ARVCF: variants seen among roughly 807,000 people sequenced by gnomAD.
ARVCF encodes splicing regulator ARVCF.
Under a neutral mutation model 90.9 loss-of-function variants are expected in ARVCF, and 66 were observed. The observed-to-expected ratio is 0.73, with a 90% CI of 0.60 to 0.89. The LOEUF is 0.89. Among genes scored for constraint, ARVCF ranks in the 40% least tolerant of loss-of-function variants. The probability of loss-of-function intolerance (pLI) is 0.00; values close to 1 mark genes in which losing one functional copy is unlikely to be tolerated. For missense variants in ARVCF, 1,469 were observed against 1,382.3 expected (o/e 1.06, Z -1.00); for synonymous variants, 653 against 603.4 (o/e 1.08, Z -1.21).
At position 19,979,999 on chromosome 22, in the gene ARVCF, G is replaced by A. The variant is rs751876735; in HGVS notation, c.1140C>T (p.Ala380=). ...PVDPVKANAA[A]YLQHLCFENE... ...TCTCAAAGCACAGATGCTGCAGGTA[G>A]GCGGCCGCATTGGCCTTCACGGGGT... The change falls in exon 6 of 20, where the codon GCC becomes GCT. Residue 380 remains alanine (A), a synonymous_variant. Coordinates refer to ENST00000263207, the MANE Select transcript of ARVCF (RefSeq NM_001670.3). 69 of 1,595,324 alleles carry A rather than the reference G, an allele frequency of 4.3e-5. 1 individual carries two copies. In the East Asian group the frequency reaches 1.5e-3, roughly 36 times the overall value.
intron 2 of ARVCF, among the ~76,000 whole-genome samples, chr22:20,002,459 A>C (rs1293779732): frequency 6.6e-6 from 1 of 152,216 alleles, no homozygotes; most frequent in Non-Finnish European, 1.5e-5. Flanking sequence ...AAAAGAGCTG[A>C]CAGCTTTGTT....
rs150464268 is a variant in ARVCF, at chr22:19,971,738, C to T, written c.2781+148G>A. ...TTGTCAGTACCCACAGACTGACTGGCGTGAAGGGGCTGCTTCCTGGGCTTG... is the reference window on the plus strand; with the variant it reads ...TTGTCAGTACCCACAGACTGACTGGTGTGAAGGGGCTGCTTCCTGGGCTTG... On this transcript the variant is annotated intron_variant, in intron 18 of 19. Coordinates refer to ENST00000263207, the MANE Select transcript of ARVCF (RefSeq NM_001670.3). 1.6e-3 allele frequency: 1,240 copies of T among 789,300 alleles called. 13 individuals are homozygous for T. The African/African-American group carries it at 0.018, about 11-fold the overall frequency. The allele number at this position is 789,300 out of a possible 1,614,324, so 48.9% of individuals were successfully genotyped here. A position where few individuals can be genotyped will look rare whatever the true frequency, so the allele number is the denominator to read the frequency against.
chr22:19,969,758 A>G, downstream of ARVCF: 1 of 895,728 alleles, frequency 1.1e-6, no homozygotes, highest in Non-Finnish European at 1.3e-6. Context: ...CAGGGACCAG[A>G]AACAGAGCCT....
chr22:20,012,071 TC>T (rs1944852669), intron 1 of ARVCF, among the ~76,000 whole-genome samples: 1 of 115,820 alleles, frequency 8.6e-6, no homozygotes, highest in Non-Finnish European at 1.8e-5. Flanking sequence ...CCTCCAGGCC[TC>T]CCAAAGTCCC....
At chr22:20,006,580 A>G (rs1944635924) in intron 2 of ARVCF, among the ~76,000 whole-genome samples, 1 of 16,284 alleles carries the variant, frequency 6.1e-5, no homozygotes, top group Non-Finnish European at 3.2e-4. Flanking sequence ...CTCTGTCTCA[A>G]AAAAAAAAAA....
chr22:19,965,827 TGGGA>T (rs934665991), downstream of ARVCF, among the ~76,000 whole-genome samples: 6 of 57,104 alleles, frequency 1.1e-4, no homozygotes, highest in African/African-American at 4.1e-4. Context: ...ATTGGGAGGG[TGGGA>T]GGGAGACCTA....
At chr22:19,984,222 AG>A (rs1470277024) in intron 3 of ARVCF, among the ~76,000 whole-genome samples, 1 of 152,158 alleles carries the variant, frequency 6.6e-6, no homozygotes, top group East Asian at 1.9e-4. Flanking sequence ...TTCCCTAGCT[AG>A]GCAGTGGGGG....
intron 9 of ARVCF, among the ~76,000 whole-genome samples, 195 bp downstream of exon 9, chr22:19,977,220 G>A (rs962527790): frequency 6.6e-6 from 1 of 152,166 alleles, no homozygotes; most frequent in African/African-American, 2.4e-5. Context: ...GATGGGGAAG[G>A]TTGGACCTGG....
intron 1 of ARVCF, among the ~76,000 whole-genome samples, chr22:20,016,096 C>G (rs1025853265): frequency 3.3e-5 from 5 of 152,178 alleles, no homozygotes; most frequent in Non-Finnish European, 7.4e-5. Context: ...GCGGCAGGAG[C>G]AGCGCGGCGC....
rs1299818119 is a variant in ARVCF, at chr22:19,973,682, G to C, written c.2200C>G (p.Arg734Gly). 1.9e-6 allele frequency: 3 copies of C among 1,610,494 alleles called. No individual in the cohort carries two copies. Among genetic ancestry groups the C allele is most frequent in the Middle Eastern group, 1.7e-4 (1 of 6,058 alleles). ...KVVRAVAIALRNLSLDRRNKD... is the reference protein window; with the variant it reads ...KVVRAVAIALGNLSLDRRNKD... ...TTGCGCCGGTCCAGCGAGAGGTTGC[G>C]CAGAGCGATGGCGACGGCGCGCACC... Residue 734 changes from arginine (R) to glycine (G), a missense_variant, in exon 13 of 20, where the codon CGC becomes GGC. Physicochemically the swap from Arg to Gly is moderately radical, Grantham distance 125. Coordinates refer to ENST00000263207, the MANE Select transcript of ARVCF (RefSeq NM_001670.3).
rs778548590 is a variant in ARVCF, at chr22:19,978,863, G to A, written c.1580+34C>T. 4 of 1,588,322 alleles carry A rather than the reference G, an allele frequency of 2.5e-6. No homozygotes were observed. The South Asian group carries it at 4.5e-5, about 18-fold the overall frequency. ...GGACCACGAGGACGGGGCCTGGTGT[G>A]CATGTGGGCTTTAGCACCAGGTCTG... On this transcript the variant is annotated intron_variant, in intron 7 of 19. Transcript: ENST00000263207.
At chr22:20,005,399 G>A (rs1944585752) in intron 2 of ARVCF, among the ~76,000 whole-genome samples, 1 of 151,218 alleles carries the variant, frequency 6.6e-6, no homozygotes, top group Non-Finnish European at 1.5e-5. Flanking sequence ...TTTTGGCAGA[G>A]ATACAGACAA....
At position 19,972,826 on chromosome 22, in the gene ARVCF, G is replaced by A. The variant is rs1444024731; in HGVS notation, c.2552C>T (p.Ser851Leu). 6.2e-7 allele frequency: 1 copy of A among 1,613,506 alleles called. No individual in the cohort carries two copies. Among genetic ancestry groups the A allele is most frequent in the East Asian group, 2.2e-5 (1 of 44,892 alleles). Residue 851 changes from serine to leucine, a missense_variant and splice_region_variant, in exon 16 of 20, where the codon TCA (serine) becomes TTA (leucine). Ser to Leu is a moderately radical substitution (Grantham distance 145, BLOSUM62 -2). Transcript: ENST00000263207. ...KDGWTKARFQ[S>L]AAATAKGPKG... ...AGGCCCCTTGGCAGTAGCAGCAGCT[G>A]ACTGAGACATAAAACACAGACACAG...
At chr22:20,013,436 C>T (rs553686028) in intron 1 of ARVCF, among the ~76,000 whole-genome samples, 48 of 152,240 alleles carry the variant, frequency 3.2e-4, no homozygotes, top group African/African-American at 1.0e-3. Context: ...TTGGGGGTAC[C>T]GAGGGGCCTT....
chr22:20,008,978 G>T (rs1195357689), intron 2 of ARVCF, among the ~76,000 whole-genome samples: 2 of 152,144 alleles, frequency 1.3e-5, no homozygotes, highest in Non-Finnish European at 2.9e-5. Flanking sequence ...GAGGGAGAGT[G>T]AGCAAGTGTG....
intron 3 of ARVCF, among the ~76,000 whole-genome samples, chr22:19,988,507 T>G (rs1471410268): frequency 6.6e-6 from 1 of 152,252 alleles, no homozygotes; most frequent in African/African-American, 2.4e-5. Flanking sequence ...TCAGCCCTGT[T>G]TCAGCTGGCT....
chr22:19,973,395 G>A lies in ARVCF; in HGVS notation c.2240-78C>T, dbSNP rs551628184. ...AGGAGCAGGGATCCCGCGAGGGCGA[G>A]GGGCACTGCCAGGAGAGCCCCTGGA... On this transcript the variant is annotated intron_variant, in intron 13 of 19. Coordinates refer to ENST00000263207, the MANE Select transcript of ARVCF (RefSeq NM_001670.3). 8.4e-4 allele frequency: 1,250 copies of A among 1,481,940 alleles called. 3 individuals are homozygous for A. The highest frequency in any genetic ancestry group is 1.1e-3 in the Non-Finnish European group (1,189 of 1,111,202). 91.8% of individuals were successfully genotyped at this position (1,481,940 alleles called of 1,614,324 possible).
At position 19,977,997 on chromosome 22, in the gene ARVCF, G is replaced by C; in HGVS notation, c.1659C>G (p.Ala553=). 6.2e-7 allele frequency: 1 copy of C among 1,611,752 alleles called. No homozygotes were observed. The change falls in exon 8 of 20, where the codon GCC becomes GCG. Residue 553 remains alanine, a synonymous_variant. Transcript: ENST00000263207. ...CEGLVDALLH[A]LQSAVGRKDT... ...CCTTCCGGCCCACAGCCGACTGCAG[G>C]GCATGCAGGAGCGCGTCCACCAGCC...
intron 2 of ARVCF, among the ~76,000 whole-genome samples, chr22:19,997,708 C>A (rs1464527968): frequency 6.6e-6 from 1 of 152,192 alleles, no homozygotes; most frequent in Non-Finnish European, 1.5e-5. Context: ...GAGAGGGCTG[C>A]AGAGGCTGCC....
Sources: gnomAD v4.1 joint callset for allele counts (sites outside exome capture counted in the v4.1 genomes callset) on GRCh38, gnomAD v4.1.1 for gene constraint, MANE v1.5 for transcripts, NCBI Gene and HGNC (gene_info 2026-07-23, HGNC 2026-07-21) for gene names.